Variants in GCNT2 observed in about 807,000 individuals in gnomAD.
GCNT2 encodes glucosaminyl (N-acetyl) transferase 2 (I blood group), also known as N-acetyllactosaminide beta-1,6-N-acetylglucosaminyl-transferase.
Under a neutral mutation model 34.2 loss-of-function variants are expected in GCNT2, and 34 were observed. The ratio of observed to expected loss-of-function variants is 1.00; its 90% confidence interval spans 0.76 to 1.32. The LOEUF is 1.32. GCNT2 is among the 40% of genes most tolerant of loss of function. The pLI, the probability that GCNT2 is intolerant of heterozygous loss-of-function variation, is 0.00. For synonymous variants in GCNT2, 212 were observed against 188.0 expected (o/e 1.13, Z -1.04); for missense variants, 584 against 489.4 (o/e 1.19, Z -1.82).
intron 3 of GCNT2, among the ~76,000 whole-genome samples, chr6:10,571,513 C>A (rs560763097): frequency 2.0e-5 from 3 of 151,992 alleles, no homozygotes; most frequent in Non-Finnish European, 2.9e-5. Context: ...CCAATATGCC[C>A]GGCAAATTTT....
intron 3 of GCNT2, chr6:10,530,288 C>T (rs1761422254): frequency 6.1e-6 from 1 of 164,596 alleles, no homozygotes; most frequent in Non-Finnish European, 1.3e-5. Context: ...TCGCTTGAAC[C>T]CAAGGGGCGG....
At chr6:10,574,866 CTCTT>C in intron 3 of GCNT2, 1 of 697,440 alleles carries the variant, frequency 1.4e-6, no homozygotes, top group Non-Finnish European at 2.7e-6. Flanking sequence ...AGGCACCTTT[CTCTT>C]TGTCTTCTTT....
chr6:10,548,530 T>C (rs545318590), intron 3 of GCNT2, among the ~76,000 whole-genome samples: 19 of 152,348 alleles, frequency 1.2e-4, no homozygotes, highest in Non-Finnish European at 2.5e-4. Context: ...GGTACCCTCT[T>C]ATTACCATCC....
intron 3 of GCNT2, among the ~76,000 whole-genome samples, chr6:10,565,645 A>G (rs1763242205): frequency 6.6e-6 from 1 of 152,098 alleles, no homozygotes; most frequent in South Asian, 2.1e-4. Flanking sequence ...TTCGCAATGT[A>G]TCTTCCTACT....
In GCNT2 at chr6:10,563,756, GAAAAAAA is replaced by G. The variant is rs55761102; in HGVS notation, c.925+33936_925+33942del. 3.2e-3 allele frequency among the ~76,000 whole-genome samples: 178 copies of G among 55,780 alleles called. 1 individual carries two copies. The highest frequency in any genetic ancestry group is 8.0e-3 in the East Asian group (10 of 1,250). The allele number at this position is 55,780 out of a possible 152,430, so 36.6% of individuals were successfully genotyped here. A position where few individuals can be genotyped will look rare whatever the true frequency, so the allele number is the denominator to read the frequency against. On this transcript the variant is annotated intron_variant, in intron 3 of 4. Coordinates refer to ENST00000495262, the MANE Select transcript of GCNT2 (RefSeq NM_145649.5). ...GACTCCATCTCAAAAAAAGAAAAAA[GAAAAAAA>G]AAAAAAAAAAAAAAATATATATATA...
chr6:10,556,019 C>A, intron 3 of GCNT2: 1 of 1,129,034 alleles, frequency 8.9e-7, no homozygotes, highest in African/African-American at 1.6e-5. Context: ...TGCGCTCATT[C>A]CCTGAATGGC....
At chr6:10,615,720 C>T (rs555308989) in intron 3 of GCNT2, among the ~76,000 whole-genome samples, 44 of 152,268 alleles carry the variant, frequency 2.9e-4, no homozygotes, top group African/African-American at 9.1e-4. Flanking sequence ...AGAGCAACCC[C>T]GAGGGCTGCT....
At chr6:10,571,709 C>A (rs1438557898) in intron 3 of GCNT2, among the ~76,000 whole-genome samples, 1 of 152,116 alleles carries the variant, frequency 6.6e-6, no homozygotes, top group Non-Finnish European at 1.5e-5. Context: ...TTACTAAAAC[C>A]TTCCTATATC....
At chr6:10,581,813 A>G (rs1764079554) in intron 3 of GCNT2, 4 of 984,926 alleles carry the variant, frequency 4.1e-6, no homozygotes, top group South Asian at 4.7e-5. Context: ...TCTGTTCTCC[A>G]CAAGACCTGC....
At chr6:10,537,975 G>C (rs555209888) in intron 3 of GCNT2, among the ~76,000 whole-genome samples, 2 of 152,016 alleles carry the variant, frequency 1.3e-5, no homozygotes, top group Admixed American at 1.3e-4. Flanking sequence ...ACCGGGAGCT[G>C]GGGTGGCCTG....
At chr6:10,621,291 A>C in intron 3 of GCNT2, 60 bp from the exon 4 acceptor site, 2 of 1,072,750 alleles carry the variant, frequency 1.9e-6, no homozygotes, top group South Asian at 2.6e-5. Context: ...TTAATTGATG[A>C]AATTGATGCC....
intron 3 of GCNT2, among the ~76,000 whole-genome samples, chr6:10,543,869 A>G (rs773943500): frequency 4.6e-5 from 7 of 152,314 alleles, no homozygotes; most frequent in East Asian, 1.9e-4. Flanking sequence ...TGTCAGTGTC[A>G]AGATGATTAC....
chr6:10,559,011 T>C (rs1051234645), intron 3 of GCNT2, among the ~76,000 whole-genome samples: 1 of 152,194 alleles, frequency 6.6e-6, no homozygotes, highest in Non-Finnish European at 1.5e-5. Context: ...AGTCAAGTGG[T>C]TCCTTAAGTA....
intron 3 of GCNT2, among the ~76,000 whole-genome samples, chr6:10,560,311 G>A (rs1315107197): frequency 1.3e-5 from 2 of 152,020 alleles, no homozygotes; most frequent in East Asian, 1.9e-4. Context: ...GGGTAGTCTC[G>A]AATTCCTGAG....
intron 3 of GCNT2, among the ~76,000 whole-genome samples, chr6:10,541,400 A>G (rs1461159727): frequency 6.6e-6 from 1 of 152,018 alleles, no homozygotes. Flanking sequence ...CATTTTCTTT[A>G]TCCAGTCTAT....
intron 3 of GCNT2, among the ~76,000 whole-genome samples, chr6:10,596,083 AAAATATTTTT>A (rs1375458084): frequency 6.6e-6 from 1 of 152,226 alleles, no homozygotes; most frequent in Non-Finnish European, 1.5e-5. Context: ...CTGAAAAGTA[AAAATATTTTT>A]ATCCAACTTC....
Position 10,556,271 on chromosome 6 carries a change from T to C in GCNT2, c.925+26435T>C. On this transcript the variant is annotated intron_variant, in intron 3 of 4. Transcript: ENST00000495262. Reference sequence around the variant, plus strand: ...ACAGGGACAGAGACAGCAGCTGGACTCTCGGGATGAAACGGAATCGATTCC... The same window carrying C: ...ACAGGGACAGAGACAGCAGCTGGACCCTCGGGATGAAACGGAATCGATTCC... The C allele has an allele frequency of 3.4e-6, 5 of 1,487,904 alleles. No individual in the cohort carries two copies. In the South Asian group the frequency reaches 6.8e-5, roughly 20 times the overall value. 92.2% of individuals were successfully genotyped at this position (1,487,904 alleles called of 1,614,324 possible).
intron 3 of GCNT2, among the ~76,000 whole-genome samples, chr6:10,602,681 T>A (rs1765136330): frequency 6.6e-6 from 1 of 152,220 alleles, no homozygotes; most frequent in South Asian, 2.1e-4. Context: ...GTGAGCATAA[T>A]TTCTTACTTG....
chr6:10,549,894 C>T (rs928754839), intron 3 of GCNT2, among the ~76,000 whole-genome samples: 12 of 152,024 alleles, frequency 7.9e-5, no homozygotes, highest in Non-Finnish European at 1.8e-4. Flanking sequence ...ACCAAGGTTT[C>T]TCTCATTTAA....
Sources: allele counts gnomAD v4.1 joint callset (sites outside exome capture counted in the v4.1 genomes callset), GRCh38; gene constraint gnomAD v4.1.1; transcripts MANE v1.5; gene names NCBI Gene and HGNC (gene_info 2026-07-23, HGNC 2026-07-21).